Variants in RBM34 observed in about 807,000 individuals in gnomAD.
RBM34 encodes the protein RNA-binding protein 34.
RBM34 carries 39 observed loss-of-function variants against 44.6 expected under a neutral mutation model. The ratio of observed to expected loss-of-function variants is 0.87; its 90% CI spans 0.68 to 1.14. The LOEUF is 1.14. Among genes scored for constraint, RBM34 ranks in the 50% most tolerant of loss-of-function variants. RBM34 has a pLI of 0.00. For synonymous variants in RBM34, 194 were observed against 184.0 expected (o/e 1.05, Z -0.44); for missense variants, 572 against 517.9 (o/e 1.10, Z -1.01).
rs894363412 is a variant in RBM34 at position 235,131,542 on chromosome 1, G to C, written c.*171C>G. 1.4e-6 allele frequency: 1 copy of C among 734,900 alleles called. No homozygotes were observed. The highest frequency in any genetic ancestry group is 1.8e-5 in the African/African-American group (1 of 56,048). 45.5% of individuals were successfully genotyped at this position (734,900 alleles called of 1,614,324 possible). A position where few individuals can be genotyped will look rare whatever the true frequency, so the allele number is the denominator to read the frequency against. ...AAACAAAAACAAAAAAACCTTCAAAGGTAGTATCACAATGTGAATAAACTG... is the reference window on the plus strand; with the variant it reads ...AAACAAAAACAAAAAAACCTTCAAACGTAGTATCACAATGTGAATAAACTG... On this transcript the variant is annotated 3_prime_UTR_variant, in exon 11 of 11. Coordinates refer to ENST00000408888, the MANE Select transcript of RBM34 (RefSeq NM_015014.4).
At chr1:235,155,838 T>TATATATATAC (rs1553275322) in intron 3 of RBM34, among the ~76,000 whole-genome samples, 1 of 26,454 alleles carries the variant, frequency 3.8e-5, no homozygotes, top group Admixed American at 4.8e-4. Flanking sequence ...TATATATATA[T>TATATATATAC]ATATATATAT....
At position 235,148,465 on chromosome 1, in the gene RBM34, A is replaced by AG; in HGVS notation, c.658-19_658-18insC. 1.3e-6 allele frequency: 2 copies of AG among 1,569,500 alleles called. No homozygotes were observed. Among genetic ancestry groups the AG allele is most frequent in the Non-Finnish European group, 1.7e-6 (2 of 1,159,308 alleles). ...GCTGGAATCTTTCAAGAGAAAAAAA[A>AG]AAGTATTAAAGACAGTATTTGAAGT... On this transcript the variant is annotated intron_variant, in intron 5 of 10. Transcript: ENST00000408888.
rs760164879 is a variant in RBM34 at position 235,152,785 on chromosome 1, T to A, written c.598-20A>T. 6.0e-6 allele frequency: 9 copies of A among 1,496,238 alleles called. No homozygotes were observed. In the South Asian group the frequency reaches 7.4e-5, roughly 12 times the overall value. 92.7% of individuals were successfully genotyped at this position (1,496,238 alleles called of 1,614,324 possible). ...CAGCTTCTAAAATTAAAAAAAAAAA[T>A]ACACATTAGCTGACCTTCAGAACAT... is the stretch of plus-strand genomic sequence containing the variant. On this transcript the variant is annotated intron_variant, in intron 4 of 10. Transcript: ENST00000408888.
chr1:235,141,756 C>T (rs981573358), intron 6 of RBM34, among the ~76,000 whole-genome samples: 6 of 152,218 alleles, frequency 3.9e-5, no homozygotes, highest in East Asian at 1.9e-4. Context: ...CAACTCCAGA[C>T]GCGCTGCCTT....
In RBM34 at chr1:235,160,968, A is replaced by T; in HGVS notation, c.153T>A (p.Gly51=). The T allele has an allele frequency of 1.2e-6, 2 of 1,614,064 alleles. No homozygotes were observed. Among genetic ancestry groups the T allele is most frequent in the Non-Finnish European group, 1.7e-6 (2 of 1,180,010 alleles). The change falls in exon 2 of 11, where the codon GGT becomes GGA. Residue 51 remains glycine, a synonymous_variant. Transcript: ENST00000408888. The part of the protein sequence containing the change: ...SLFRGEHHSR[G]GTGRLASLFS... ...AGAGGGACGCCAGCCGACCGGTGCC[A>T]CCTCTGGAATGGTGTTCGCCGCGAA...
chr1:235,160,892 C>T lies in RBM34; in HGVS notation c.228+1G>A. On this transcript the variant is annotated splice_donor_variant, in intron 2 of 10. Coordinates refer to ENST00000408888, the MANE Select transcript of RBM34 (RefSeq NM_015014.4). LOFTEE classifies it high-confidence loss of function. Reference sequence around the variant, plus strand: ...TTCGGGAAGAAAGCCCAGTGACTTACTTTAGGCACAGGCACGTACACGGGT... The same window carrying T: ...TTCGGGAAGAAAGCCCAGTGACTTATTTTAGGCACAGGCACGTACACGGGT... 4.3e-6 allele frequency: 7 copies of T among 1,613,736 alleles called. No individual in the cohort carries two copies. The highest frequency in any genetic ancestry group is 5.9e-6 in the Non-Finnish European group (7 of 1,179,824).
At chr1:235,137,684 G>A (rs1042312780) in intron 8 of RBM34, among the ~76,000 whole-genome samples, 193 bp downstream of exon 8, 6 of 152,164 alleles carry the variant, frequency 3.9e-5, no homozygotes, top group South Asian at 2.1e-4. Context: ...CCAGGACTAC[G>A]TTTTTGAAGG....
chr1:235,157,099 C>T (rs183121275), intron 3 of RBM34, among the ~76,000 whole-genome samples: 58 of 152,204 alleles, frequency 3.8e-4, no homozygotes, highest in Middle Eastern at 3.4e-3. Flanking sequence ...CAGTGTTACA[C>T]GAAAGTGCTT....
intron 3 of RBM34, chr1:235,156,774 A>G (rs1400617805): frequency 8.3e-6 from 3 of 360,626 alleles, no homozygotes; most frequent in Non-Finnish European, 5.5e-6. Context: ...GTTCCTACTC[A>G]GTTCTAGGCT....
chr1:235,132,062 G>A (rs1661227113), intron 10 of RBM34, 65 bp from the exon 11 acceptor site: 3 of 1,431,616 alleles, frequency 2.1e-6, no homozygotes, highest in Non-Finnish European at 2.8e-6. Flanking sequence ...ACTAGTGAAA[G>A]TGTCACTTTA....
intron 3 of RBM34, among the ~76,000 whole-genome samples, chr1:235,157,721 G>T (rs996260529): frequency 6.6e-5 from 10 of 152,192 alleles, no homozygotes; most frequent in Non-Finnish European, 1.2e-4. Context: ...GAAAGAATTG[G>T]CAAGAGGACA....
chr1:235,134,213 G>A (rs988865035), intron 10 of RBM34, among the ~76,000 whole-genome samples: 6 of 152,042 alleles, frequency 3.9e-5, no homozygotes, highest in East Asian at 1.9e-4. Flanking sequence ...TTGTAGAGGC[G>A]GGATTTCGCC....
Position 235,161,010 on chromosome 1 carries a change from C to A in RBM34, c.111G>T (p.Gln37His), listed in dbSNP as rs757363199. ...CGCCGCGAAATAAGCTACTGGCGAC[C>A]TGTCCAAGCCTGTAGTCTTCCGGCG... The part of the protein sequence containing the change: ...GSPPEDYRLG[Q>H]VASSLFRGEH... Residue 37 changes from glutamine to histidine, a missense_variant, in exon 2 of 11, where the codon CAG becomes CAT. Transcript: ENST00000408888. 6.8e-6 allele frequency: 11 copies of A among 1,614,180 alleles called. No individual in the cohort carries two copies. In the East Asian group the frequency reaches 2.0e-4, roughly 29 times the overall value.
At chr1:235,158,685 G>A (rs16832455) in intron 3 of RBM34, among the ~76,000 whole-genome samples, 22,896 of 152,084 alleles carry the variant, frequency 0.15, 1,896 homozygotes, top group Middle Eastern at 0.22. Flanking sequence ...CTGGTACAAA[G>A]GTCTTCAGTT....
chr1:235,133,226 A>G (rs1410320733), intron 10 of RBM34, among the ~76,000 whole-genome samples: 1 of 152,222 alleles, frequency 6.6e-6, no homozygotes, highest in East Asian at 1.9e-4. Context: ...CTGTAGTCCT[A>G]GCTACTCAGG....
chr1:235,145,302 T>C (rs1048598820), intron 6 of RBM34, among the ~76,000 whole-genome samples: 7 of 149,682 alleles, frequency 4.7e-5, no homozygotes, highest in Non-Finnish European at 1.0e-4. Flanking sequence ...TTTTTTGAGA[T>C]AGGGTCTCAC....
chr1:235,140,963 T>C (rs1437829872), intron 6 of RBM34, among the ~76,000 whole-genome samples: 1 of 152,076 alleles, frequency 6.6e-6, no homozygotes, highest in East Asian at 1.9e-4. Flanking sequence ...GCTCAAGGTT[T>C]GTAAACACAC....
chr1:235,160,997 A>C lies in RBM34; in HGVS notation c.124T>G (p.Leu42Val). ...CTGGAATGGTGTTCGCCGCGAAATAAGCTACTGGCGACCTGTCCAAGCCTG... is the reference window on the plus strand; with the variant it reads ...CTGGAATGGTGTTCGCCGCGAAATACGCTACTGGCGACCTGTCCAAGCCTG... ...DYRLGQVASS[L>V]FRGEHHSRGG... is the part of the protein sequence containing the mutation. The change falls in exon 2 of 11, where the codon TTA becomes GTA. Residue 42 changes from leucine (L) to valine (V), a missense_variant. Physicochemically the swap from Leu to Val is conservative, Grantham distance 32. Transcript: ENST00000408888. 1 of 1,614,152 alleles carries C rather than the reference A, an allele frequency of 6.2e-7. No homozygotes were observed. The highest frequency in any genetic ancestry group is 1.3e-5 in the African/African-American group (1 of 75,040).
chr1:235,146,226 G>A (rs1054166264), intron 6 of RBM34, among the ~76,000 whole-genome samples: 1 of 152,038 alleles, frequency 6.6e-6, no homozygotes, highest in Admixed American at 6.6e-5. Flanking sequence ...GATTACAGGC[G>A]TGAGCCACTG....
Sources: allele counts gnomAD v4.1 joint callset (sites outside exome capture counted in the v4.1 genomes callset), GRCh38; gene constraint gnomAD v4.1.1; transcripts MANE v1.5; gene names NCBI Gene and HGNC (gene_info 2026-07-23, HGNC 2026-07-21).